The following MAPK10 variants were observed in gnomAD, a reference collection of about 807,000 sequenced individuals.
The protein encoded by MAPK10 is mitogen-activated protein kinase 10, also known as JNK3 alpha protein kinase.
Under a neutral mutation model 59.3 loss-of-function variants are expected in MAPK10, and 25 were observed. That is an observed-to-expected ratio of 0.42 (90% confidence interval 0.31 to 0.59). MAPK10 has a LOEUF of 0.59. MAPK10 is among the 20% of genes least tolerant of loss of function. The probability of loss-of-function intolerance (pLI) is 0.15; values close to 1 mark genes in which losing one functional copy is unlikely to be tolerated. For synonymous variants in MAPK10, 190 were observed against 200.5 expected (o/e 0.95, Z 0.44); for missense variants, 351 against 568.9 (o/e 0.62, Z 3.90).
chr4:86,339,228 A>G (rs1723440455), intron 2 of MAPK10, among the ~76,000 whole-genome samples: 1 of 152,148 alleles, frequency 6.6e-6, no homozygotes, highest in Non-Finnish European at 1.5e-5. Flanking sequence ...TCATGCAGTG[A>G]CTAAGGGAGG....
chr4:86,487,349 AAG>A (rs1201428336), intron 1 of MAPK10, among the ~76,000 whole-genome samples: 1 of 87,404 alleles, frequency 1.1e-5, no homozygotes, highest in African/African-American at 3.6e-5. Flanking sequence ...TAGTTCATAA[AAG>A]AGAGAGAGAG....
At chr4:86,471,029 G>T (rs891659025) in intron 1 of MAPK10, among the ~76,000 whole-genome samples, 1 of 152,126 alleles carries the variant, frequency 6.6e-6, no homozygotes, top group Admixed American at 6.5e-5. Context: ...CCAGCACTTT[G>T]GGAGGCTGAC....
At chr4:86,289,345 G>A (rs2095143538) in intron 2 of MAPK10, among the ~76,000 whole-genome samples, 1 of 151,986 alleles carries the variant, frequency 6.6e-6, no homozygotes, top group African/African-American at 2.4e-5. Flanking sequence ...GCAAAATCAG[G>A]GAAGAGTTTT....
chr4:86,232,072 T>A (rs554418259), intron 2 of MAPK10, among the ~76,000 whole-genome samples: 1 of 152,342 alleles, frequency 6.6e-6, no homozygotes, highest in South Asian at 2.1e-4. Context: ...TTGAAAGCCA[T>A]GGGTTTCTAA....
At chr4:86,411,890 C>T (rs1745222090) in intron 1 of MAPK10, among the ~76,000 whole-genome samples, 3 of 152,082 alleles carry the variant, frequency 2.0e-5, no homozygotes, top group Admixed American at 6.6e-5. Flanking sequence ...GAGTATTTAG[C>T]CCATTTACAT....
intron 1 of MAPK10, among the ~76,000 whole-genome samples, chr4:86,487,624 G>A (rs1754109317): frequency 6.6e-6 from 1 of 151,626 alleles, no homozygotes; most frequent in South Asian, 2.1e-4. Flanking sequence ...CCAGCTACTT[G>A]GGAGGCTGAG....
At chr4:86,176,698 C>T (rs545925476) in intron 3 of MAPK10, among the ~76,000 whole-genome samples, 1 of 152,040 alleles carries the variant, frequency 6.6e-6, no homozygotes, top group Non-Finnish European at 1.5e-5. Flanking sequence ...ATTAACACTT[C>T]TGAAATTTGC....
chr4:86,102,149 G>C (rs2055538946), intron 6 of MAPK10, 117 bp from the exon 7 acceptor site: 1 of 890,426 alleles, frequency 1.1e-6, no homozygotes, highest in African/African-American at 1.7e-5. Context: ...CTCTGCCTTT[G>C]ACTTAATCAA....
chr4:86,126,307 T>G (rs189361978), intron 4 of MAPK10, among the ~76,000 whole-genome samples: 1 of 152,222 alleles, frequency 6.6e-6, no homozygotes, highest in East Asian at 1.9e-4. Context: ...GGCTGACATT[T>G]ATAAATTGTA....
At chr4:86,308,826 T>C (rs1362602340) in intron 2 of MAPK10, 2 of 152,226 alleles carry the variant, frequency 1.3e-5, no homozygotes, top group Non-Finnish European at 2.9e-5. Flanking sequence ...TTTGTTAATA[T>C]GAACTGGTAT....
At chr4:86,170,016 A>AT (rs1234545347) in intron 3 of MAPK10, among the ~76,000 whole-genome samples, 3 of 152,166 alleles carry the variant, frequency 2.0e-5, no homozygotes, top group Non-Finnish European at 1.5e-5. Flanking sequence ...AAATGCTGAG[A>AT]TTTTGTCACC....
chr4:86,225,940 G>A (rs951550220), intron 2 of MAPK10, among the ~76,000 whole-genome samples: 1 of 152,092 alleles, frequency 6.6e-6, no homozygotes, highest in Admixed American at 6.5e-5. Context: ...ACATGGACAT[G>A]CACATTCATA....
In MAPK10 at chr4:86,017,406, C is replaced by T. The variant is rs1743796259; in HGVS notation, c.1253-36G>A. 2.5e-6 allele frequency: 4 copies of T among 1,611,942 alleles called. No homozygotes were observed. The highest frequency in any genetic ancestry group is 3.4e-6 in the Non-Finnish European group (4 of 1,178,748). The stretch of plus-strand genomic sequence containing the variant: ...AAAATGAAGACCAACATGACTCAAT[C>T]TAGAACCAGACCCATCTTAATGCCA... On this transcript the variant is annotated intron_variant, in intron 13 of 13. Coordinates refer to ENST00000641462, the MANE Select transcript of MAPK10 (RefSeq NM_138982.4). This position sits in a 1 kb window ranked among gnomAD's most constrained non-coding sequence, Gnocchi z 4.4.
Position 86,277,572 on chromosome 4 carries a change from C to T in MAPK10, c.-7+76958G>A, listed in dbSNP as rs560464402. ...AAGTGCCTAAGTATTGAGATAAAAA[C>T]TAATGCTTATGTGACTAGATGGTTA... is the stretch of plus-strand genomic sequence containing the variant. On this transcript the variant is annotated intron_variant, in intron 2 of 13. Transcript: ENST00000641462. Among the ~76,000 whole-genome samples the T allele has an allele frequency of 6.6e-5, 10 of 152,184 alleles. No homozygotes were observed. The South Asian group carries it at 1.7e-3, about 25-fold the overall frequency.
At chr4:86,591,678 G>A (rs968534485) in intron 1 of MAPK10, among the ~76,000 whole-genome samples, 1 of 152,014 alleles carries the variant, frequency 6.6e-6, no homozygotes, top group Non-Finnish European at 1.5e-5. Context: ...CCCACCCCCC[G>A]TATGTTAATT....
chr4:86,296,107 C>T lies in MAPK10; in HGVS notation c.-7+58423G>A, dbSNP rs145859400. The stretch of plus-strand genomic sequence containing the variant: ...AGGAGAATCGCTTGAACCCGGGAGG[C>T]GGAGGTTCCAGTGAGCTGAGATTGT... On this transcript the variant is annotated intron_variant, in intron 2 of 13. Coordinates refer to ENST00000641462, the MANE Select transcript of MAPK10 (RefSeq NM_138982.4). 6.8e-3 allele frequency among the ~76,000 whole-genome samples: 1,006 copies of T among 148,214 alleles called. 12 individuals carry two copies. Among genetic ancestry groups the T allele is most frequent in the African/African-American group, 0.023 (943 of 40,132 alleles).
intron 3 of MAPK10, chr4:86,192,045 G>C (rs2080028698): frequency 6.6e-6 from 1 of 152,148 alleles, no homozygotes; most frequent in Non-Finnish European, 1.5e-5. Flanking sequence ...AATTTGGCTG[G>C]ATATGAAATT....
At chr4:86,221,452 C>A (rs1005418276) in intron 2 of MAPK10, among the ~76,000 whole-genome samples, 2 of 151,870 alleles carry the variant, frequency 1.3e-5, no homozygotes, top group African/African-American at 4.8e-5. Context: ...GTGTCCCCAC[C>A]CAAATTGCAT....
Position 86,101,891 on chromosome 4 carries a change from T to C in MAPK10, c.564+3A>G. 6.2e-7 allele frequency: 1 copy of C among 1,613,950 alleles called. No homozygotes were observed. Among genetic ancestry groups the C allele is most frequent in the Non-Finnish European group, 8.5e-7 (1 of 1,179,854 alleles). ...ATTGTAATCCTAGAGAAGGTGTTCTTACCCTGTGAATAATTCCAGCAGAAT... is the reference window on the plus strand; with the variant it reads ...ATTGTAATCCTAGAGAAGGTGTTCTCACCCTGTGAATAATTCCAGCAGAAT... On this transcript the variant is annotated splice_donor_region_variant and intron_variant, in intron 7 of 13. Coordinates refer to ENST00000641462, the MANE Select transcript of MAPK10 (RefSeq NM_138982.4).
Sources: gnomAD v4.1 joint callset for allele counts (sites outside exome capture counted in the v4.1 genomes callset) on GRCh38, gnomAD v4.1.1 for gene constraint, Gnocchi (gnomAD v3.1) non-coding constraint, MANE v1.5 for transcripts, NCBI Gene and HGNC (gene_info 2026-07-23, HGNC 2026-07-21) for gene names.